The following AK8 variants were observed in gnomAD, a reference collection of about 807,000 sequenced individuals.
AK8 encodes the protein adenylate kinase 8.
AK8 carries 44 observed loss-of-function variants against 54.6 expected under a neutral mutation model. The observed-to-expected ratio is 0.81, with a 90% confidence interval of 0.63 to 1.04. The LOEUF is 1.04. Among genes scored for constraint, AK8 ranks in the 50% least tolerant of loss-of-function variants. The pLI is 0.00. For missense variants in AK8, 555 were observed against 613.6 expected (o/e 0.90, Z 1.01); for synonymous variants, 239 against 245.6 (o/e 0.97, Z 0.25).
At position 132,875,198 on chromosome 9, in the gene AK8, T is replaced by G. The variant is rs1219323400; in HGVS notation, c.86A>C (p.Asn29Thr). Residue 29 changes from asparagine (N) to threonine (T), a missense_variant and splice_region_variant, in exon 2 of 13, where the codon AAC becomes ACC. Physicochemically the swap from Asn to Thr is moderately conservative, Grantham distance 65. Transcript: ENST00000298545. ...EENHIFELMQ[N>T]MLEQLLIHQP... ...GTGGATCAGGAGTTGCTCCAGCATG[T>G]TCTGTGGGTGCAGGGCAGACACCCA... 3.1e-6 allele frequency: 5 copies of G among 1,614,094 alleles called. No individual in the cohort carries two copies. The Admixed American group carries it at 5.0e-5, about 16-fold the overall frequency.
chr9:132,834,856 A>G (rs1842253000), intron 5 of AK8, among the ~76,000 whole-genome samples: 1 of 145,220 alleles, frequency 6.9e-6, no homozygotes, highest in Non-Finnish European at 1.5e-5. Context: ...AAATGCAGGC[A>G]TTCAAGAGGT....
intron 11 of AK8, among the ~76,000 whole-genome samples, chr9:132,749,346 T>C (rs1837797587): frequency 6.6e-6 from 1 of 151,928 alleles, no homozygotes; most frequent in Admixed American, 6.6e-5. Flanking sequence ...AGGCAGGCTC[T>C]GGGTTCAGGT....
At chr9:132,875,253 C>A in intron 1 of AK8, 54 bp from the exon 2 acceptor site, 2 of 1,603,264 alleles carry the variant, frequency 1.2e-6, no homozygotes, top group South Asian at 2.2e-5. Context: ...GGCACCTGGT[C>A]ACCACAGATA....
At chr9:132,833,656 G>A (rs560206352) in intron 5 of AK8, among the ~76,000 whole-genome samples, 3 of 152,286 alleles carry the variant, frequency 2.0e-5, no homozygotes, top group East Asian at 3.9e-4. Context: ...CAGAGCTGGA[G>A]GTCTGCACAG....
chr9:132,755,556 G>A (rs1007775444), intron 11 of AK8, among the ~76,000 whole-genome samples: 1 of 152,202 alleles, frequency 6.6e-6, no homozygotes, highest in African/African-American at 2.4e-5. Context: ...AGCCTGCACC[G>A]TGTGCACATA....
At chr9:132,812,530 T>TACCCACTGGGATGACAGGGGTGA in intron 10 of AK8, among the ~76,000 whole-genome samples, 2 of 130,644 alleles carry the variant, frequency 1.5e-5, no homozygotes, top group African/African-American at 2.8e-5. Context: ...TGAGCTACCG[T>TACCCACTGGGATGACAGGGGTGA]GCCCACTGGG....
At chr9:132,846,234 C>T (rs739920) in intron 5 of AK8, among the ~76,000 whole-genome samples, 2,477 of 152,312 alleles carry the variant, frequency 0.016, 72 homozygotes, top group African/African-American at 0.057. Context: ...CAGTGGTATC[C>T]AGACACCCAC....
intron 5 of AK8, among the ~76,000 whole-genome samples, chr9:132,833,671 G>A (rs1004989553): frequency 1.3e-5 from 2 of 152,286 alleles, no homozygotes; most frequent in Middle Eastern, 3.4e-3. Context: ...GCACAGCTGC[G>A]AGGGGTATGG....
intron 10 of AK8, among the ~76,000 whole-genome samples, chr9:132,808,373 G>A (rs1840823319): frequency 6.6e-6 from 1 of 152,192 alleles, no homozygotes; most frequent in South Asian, 2.1e-4. Flanking sequence ...CACAGAATAA[G>A]CATCTCCCCA....
intron 6 of AK8, among the ~76,000 whole-genome samples, 191 bp downstream of exon 6, chr9:132,828,454 C>T (rs1174549390): frequency 6.6e-6 from 1 of 152,240 alleles, no homozygotes; most frequent in African/African-American, 2.4e-5. Context: ...AAACGAAACC[C>T]CACTTTTCTT....
chr9:132,737,111 G>T (rs1837158769), intron 11 of AK8, among the ~76,000 whole-genome samples: 1 of 152,050 alleles, frequency 6.6e-6, no homozygotes, highest in Admixed American at 6.6e-5. Flanking sequence ...TACACTTAAA[G>T]ATGGTCAAAA....
intron 11 of AK8, among the ~76,000 whole-genome samples, chr9:132,745,322 C>T (rs1012513816): frequency 2.0e-5 from 3 of 152,174 alleles, no homozygotes; most frequent in African/African-American, 7.2e-5. Context: ...TGCCCAGGGC[C>T]GGCTCCCTCT....
intron 11 of AK8, among the ~76,000 whole-genome samples, chr9:132,730,245 C>A (rs752935065): frequency 6.6e-6 from 1 of 152,138 alleles, no homozygotes; most frequent in Admixed American, 6.5e-5. Context: ...GCCAAGAGGC[C>A]GCGCTTTGGT....
intron 10 of AK8, among the ~76,000 whole-genome samples, chr9:132,808,202 C>T (rs1022509051): frequency 6.6e-6 from 1 of 152,104 alleles, no homozygotes; most frequent in Non-Finnish European, 1.5e-5. Context: ...TAAGCTCGAC[C>T]CTGTTTATCG....
At chr9:132,835,058 G>A (rs769769881) in intron 5 of AK8, among the ~76,000 whole-genome samples, 5 of 152,272 alleles carry the variant, frequency 3.3e-5, no homozygotes, top group South Asian at 2.1e-4. Flanking sequence ...TTTTAGTAGA[G>A]ACGGGGTTTC....
Position 132,854,934 on chromosome 9 carries a change from A to G in AK8, c.334-9T>C. On this transcript the variant is annotated splice_polypyrimidine_tract_variant and intron_variant, in intron 4 of 12. Transcript: ENST00000298545. ...AGCGCGCTGGGAACTGTCTGAAGGA[A>G]AAAGGACACACAGAATGATGGCCCA... The G allele has an allele frequency of 6.2e-7, 1 of 1,614,058 alleles. No homozygotes were observed. The highest frequency in any genetic ancestry group is 1.6e-4 in the Middle Eastern group (1 of 6,062).
rs147111825 is a variant in AK8, at chr9:132,859,800, T to C, written c.333+3865A>G. On this transcript the variant is annotated intron_variant, in intron 4 of 12. Transcript: ENST00000298545. ...GAAAAGATGAATTCAATTAACTTAA[T>C]AAATGGGAAGAACGGGAGGCAAAGG... is the stretch of plus-strand genomic sequence containing the variant. Among the ~76,000 whole-genome samples the C allele has an allele frequency of 8.5e-5, 13 of 152,096 alleles. No individual in the cohort carries two copies. The East Asian group carries it at 2.5e-3, about 29-fold the overall frequency.
Position 132,792,560 on chromosome 9 carries a change from C to T in AK8, c.1121+74G>A. ...ACGTGAAGGCTTGTGTAACCTGGAC[C>T]CCTTCAGCTGAGCCCTGGAGAGGGG... On this transcript the variant is annotated intron_variant, in intron 11 of 12. Coordinates refer to ENST00000298545, the MANE Select transcript of AK8 (RefSeq NM_152572.3). 3 of 1,491,312 alleles carry T rather than the reference C, an allele frequency of 2.0e-6. No homozygotes were observed. In the South Asian group the frequency reaches 4.0e-5, roughly 20 times the overall value. The allele number at this position is 1,491,312 out of a possible 1,614,324, so 92.4% of individuals were successfully genotyped here.
chr9:132,831,898 A>G (rs912850966), intron 5 of AK8, among the ~76,000 whole-genome samples: 2 of 151,834 alleles, frequency 1.3e-5, no homozygotes, highest in African/African-American at 4.8e-5. Context: ...CTCTACCGAA[A>G]AAGATTTTTA....
Sources: allele counts gnomAD v4.1 joint callset (sites outside exome capture counted in the v4.1 genomes callset), GRCh38; gene constraint gnomAD v4.1.1; transcripts MANE v1.5; gene names NCBI Gene and HGNC (gene_info 2026-07-23, HGNC 2026-07-21).